Variants in ADGRL2 observed in about 807,000 individuals in gnomAD.
ADGRL2 encodes adhesion G protein-coupled receptor L2, also known as calcium-independent alpha-latrotoxin receptor 2.
A neutral mutation model predicts 157.4 loss-of-function variants in ADGRL2; 44 were observed. The observed-to-expected ratio is 0.28, with a 90% CI of 0.22 to 0.36. The LOEUF (loss-of-function observed/expected upper bound fraction) is 0.36, where lower values mean the gene tolerates loss of function less well. Among genes scored for constraint, ADGRL2 ranks in the 10% least tolerant of loss-of-function variants. The pLI is 1.00. For missense variants in ADGRL2, 1,510 were observed against 1,768.9 expected, an observed-to-expected ratio of 0.85 and a Z score of 2.63; for synonymous variants, 585 against 624.7, an observed-to-expected ratio of 0.94 and a Z score of 0.95.
At chr1:81,712,496 TTAATGGGTATCA>T (rs1179876230) in intron 1 of ADGRL2, among the ~76,000 whole-genome samples, 1 of 152,172 alleles carries the variant, frequency 6.6e-6, no homozygotes, top group Non-Finnish European at 1.5e-5. Context: ...ATCAAACAAT[TTAATGGGTATCA>T]TAATATCCCC....
chr1:81,774,582 C>G (rs1242624652), intron 2 of ADGRL2, among the ~76,000 whole-genome samples: 1 of 152,098 alleles, frequency 6.6e-6, no homozygotes, highest in Non-Finnish European at 1.5e-5. Context: ...ACAAGTTGAT[C>G]TTATGAGCAG....
At position 81,849,547 on chromosome 1, in the gene ADGRL2, G is replaced by C. The variant is rs185052391; in HGVS notation, c.73+12490G>C. On this transcript the variant is annotated intron_variant, in intron 2 of 23. Coordinates refer to ENST00000686636, the MANE Select transcript of ADGRL2 (RefSeq NM_001366006.2). ...TAAAGTACTTTTGTTCAACTGATTA[G>C]ACAAGTTAAAACGTAATGATGTAAA... 3.0e-3 allele frequency among the ~76,000 whole-genome samples: 455 copies of C among 151,978 alleles called. 4 individuals are homozygous for C. The highest frequency in any genetic ancestry group is 0.011 in the African/African-American group (441 of 41,538).
At chr1:81,330,939 C>G (rs756011166) in intron 1 of ADGRL2, among the ~76,000 whole-genome samples, 3 of 152,188 alleles carry the variant, frequency 2.0e-5, no homozygotes, top group African/African-American at 7.2e-5. Context: ...TAAAGTTTAA[C>G]AACAGATTAA....
intron 1 of ADGRL2, among the ~76,000 whole-genome samples, chr1:81,386,575 C>CAATATA (rs2076439753): frequency 1.3e-5 from 2 of 152,122 alleles, no homozygotes; most frequent in African/African-American, 4.8e-5. Context: ...GTGGCCAGGC[C>CAATATA]TTACAAAAGA....
intron 2 of ADGRL2, among the ~76,000 whole-genome samples, chr1:81,522,725 C>T (rs1347116527): frequency 6.6e-6 from 1 of 152,078 alleles, no homozygotes. Context: ...AAGTGTAATT[C>T]TAATACAACA....
chr1:81,568,617 T>C (rs1333244180), intron 2 of ADGRL2, among the ~76,000 whole-genome samples: 1 of 152,174 alleles, frequency 6.6e-6, no homozygotes, highest in Admixed American at 6.5e-5. Flanking sequence ...CAACAGATTT[T>C]GTAAGTGTTT....
intron 1 of ADGRL2, among the ~76,000 whole-genome samples, chr1:81,748,137 G>A (rs1267498240): frequency 6.6e-6 from 1 of 151,958 alleles, no homozygotes; most frequent in Non-Finnish European, 1.5e-5. Flanking sequence ...ATTGGAACAG[G>A]TAGACATCTA....
intron 1 of ADGRL2, among the ~76,000 whole-genome samples, chr1:81,809,459 G>T (rs1031852232): frequency 6.6e-6 from 1 of 151,844 alleles, no homozygotes; most frequent in African/African-American, 2.4e-5. Context: ...TTAGTTCTTG[G>T]CTATGAGAGA....
intron 1 of ADGRL2, among the ~76,000 whole-genome samples, chr1:81,729,831 T>C (rs767762649): frequency 2.0e-5 from 3 of 152,192 alleles, no homozygotes; most frequent in African/African-American, 7.2e-5. Context: ...GGCCATATAC[T>C]CTGGGTCTTG....
chr1:81,909,231 T>C (rs1428069994), intron 3 of ADGRL2, among the ~76,000 whole-genome samples: 2 of 148,428 alleles, frequency 1.3e-5, no homozygotes, highest in African/African-American at 4.9e-5. Context: ...ATTGAGGGGT[T>C]TTTTTTTAGT....
At chr1:81,316,222 T>C (rs1201040945) in intron 1 of ADGRL2, among the ~76,000 whole-genome samples, 1 of 152,154 alleles carries the variant, frequency 6.6e-6, no homozygotes, top group Non-Finnish European at 1.5e-5. Flanking sequence ...TCAAACACTT[T>C]TAAAGGAACC....
At chr1:81,675,340 C>T (rs1307295277) in intron 3 of ADGRL2, among the ~76,000 whole-genome samples, 1 of 152,144 alleles carries the variant, frequency 6.6e-6, no homozygotes, top group East Asian at 1.9e-4. Context: ...AGTCAAATCT[C>T]CAATGAGCTG....
chr1:81,950,135 G>A (rs1557979689), intron 6 of ADGRL2, 54 bp from the exon 7 acceptor site: 1 of 1,445,046 alleles, frequency 6.9e-7, no homozygotes, highest in African/African-American at 1.4e-5. Flanking sequence ...GTGCATGACT[G>A]TATGTGAGTG....
chr1:81,908,915 C>A (rs1161333237), intron 3 of ADGRL2, among the ~76,000 whole-genome samples: 1 of 150,996 alleles, frequency 6.6e-6, no homozygotes, highest in Non-Finnish European at 1.5e-5. Flanking sequence ...CACTCTGTTG[C>A]CCAGGCTGGA....
intron 2 of ADGRL2, among the ~76,000 whole-genome samples, chr1:81,521,967 G>GTTTTT (rs200860680): frequency 7.2e-6 from 1 of 139,422 alleles, no homozygotes; most frequent in East Asian, 2.1e-4. Context: ...TGTACTTTTT[G>GTTTTT]TTTTTTTTTT....
chr1:81,963,366 T>TTA (rs1431721102), intron 11 of ADGRL2, among the ~76,000 whole-genome samples: 4 of 152,048 alleles, frequency 2.6e-5, no homozygotes, highest in African/African-American at 9.6e-5. Context: ...GTTTTTTCCT[T>TTA]TATACCTTTT....
chr1:81,679,794 T>A (rs549724452), intron 3 of ADGRL2, among the ~76,000 whole-genome samples: 39 of 152,322 alleles, frequency 2.6e-4, no homozygotes, highest in African/African-American at 8.9e-4. Context: ...TCTGTTTACT[T>A]CTGAATTTGG....
chr1:81,312,305 G>A (rs1342127638), intron 1 of ADGRL2, among the ~76,000 whole-genome samples: 2 of 152,228 alleles, frequency 1.3e-5, no homozygotes, highest in Admixed American at 6.5e-5. Flanking sequence ...CCAATGTGGA[G>A]GTAGAGCCTG....
intron 2 of ADGRL2, among the ~76,000 whole-genome samples, chr1:81,564,809 T>C (rs185719132): frequency 8.5e-5 from 13 of 152,222 alleles, no homozygotes; most frequent in Admixed American, 6.5e-4. Context: ...TCAGAGGATA[T>C]TGAGGACTAT....
Sources: allele counts gnomAD v4.1 joint callset (sites outside exome capture counted in the v4.1 genomes callset), GRCh38; gene constraint gnomAD v4.1.1; transcripts MANE v1.5; gene names NCBI Gene and HGNC (gene_info 2026-07-23, HGNC 2026-07-21).